The following CSMD1 variants were observed in gnomAD, a reference collection of about 807,000 sequenced individuals.
CSMD1 encodes the protein CUB and sushi domain-containing protein 1.
Under a neutral mutation model 417.5 loss-of-function variants are expected in CSMD1, and 213 were observed. The observed-to-expected ratio is 0.51, with a 90% confidence interval of 0.46 to 0.57. The LOEUF (loss-of-function observed/expected upper bound fraction) is 0.57, where lower values mean the gene tolerates loss of function less well. Among genes scored for constraint, CSMD1 ranks in the 20% least tolerant of loss-of-function variants. The pLI is 0.00. For missense variants in CSMD1, 6,923 were observed against 4,529.7 expected (o/e 1.53, Z -15.17); for synonymous variants, 2,862 against 1,736.8 (o/e 1.65, Z -16.11).
chr8:3,478,641 G>A (rs947307446), intron 11 of CSMD1, among the ~76,000 whole-genome samples: 2 of 152,052 alleles, frequency 1.3e-5, no homozygotes, highest in Admixed American at 1.3e-4. Context: ...ACAGGCAACA[G>A]AAGGACCCCA....
intron 7 of CSMD1, among the ~76,000 whole-genome samples, chr8:3,648,893 T>C (rs1361618530): frequency 6.6e-6 from 1 of 152,214 alleles, no homozygotes; most frequent in African/African-American, 2.4e-5. Flanking sequence ...TAGCTAGTGT[T>C]TTCTATTTAA....
At chr8:4,455,594 A>C (rs192699926) in intron 2 of CSMD1, among the ~76,000 whole-genome samples, 1 of 152,150 alleles carries the variant, frequency 6.6e-6, no homozygotes, top group African/African-American at 2.4e-5. Context: ...CAAATTGTGA[A>C]TTTTTAAATC....
chr8:4,246,445 C>T (rs375334714), intron 3 of CSMD1, among the ~76,000 whole-genome samples: 184 of 152,180 alleles, frequency 1.2e-3, no homozygotes, highest in African/African-American at 3.8e-3. Flanking sequence ...CCATTTTCTT[C>T]GTATGGTACC....
At chr8:3,196,451 C>A (rs113641608) in intron 33 of CSMD1, among the ~76,000 whole-genome samples, 6,097 of 152,206 alleles carry the variant, frequency 0.04, 395 homozygotes, top group African/African-American at 0.14. Flanking sequence ...TCTATGGACT[C>A]GCCCCAAATT....
rs71209121 is a variant in CSMD1, at chr8:4,753,403, C to CCACACA, written c.86-115851_86-115846dup. 6.7e-4 allele frequency among the ~76,000 whole-genome samples: 93 copies of CCACACA among 137,892 alleles called. 1 individual carries two copies. Among genetic ancestry groups the CCACACA allele is most frequent in the East Asian group, 4.9e-3 (24 of 4,902 alleles). The allele number at this position is 137,892 out of a possible 152,430, so 90.5% of individuals were successfully genotyped here. A position where few individuals can be genotyped will look rare whatever the true frequency, so the allele number is the denominator to read the frequency against. On this transcript the variant is annotated intron_variant, in intron 1 of 69. Coordinates refer to ENST00000635120, the MANE Select transcript of CSMD1 (RefSeq NM_033225.6). ...TCTCTTCCCTACTTTCCACCATAAACCACACACACACACACACACACACAC... is the reference window on the plus strand; with the variant it reads ...TCTCTTCCCTACTTTCCACCATAAACCACACACACACACACACACACACACACACAC...
Position 3,106,510 on chromosome 8 carries a change from G to C in CSMD1, c.6949+18C>G, listed in dbSNP as rs1247251392. ...TGTTGAATAAGTTTATGTAGTTTTA[G>C]TATCGAACAGTGCATACCTTCACAT... On this transcript the variant is annotated intron_variant, in intron 46 of 69. Coordinates refer to ENST00000635120, the MANE Select transcript of CSMD1 (RefSeq NM_033225.6). 6.8e-7 allele frequency: 1 copy of C among 1,479,856 alleles called. No homozygotes were observed. The highest frequency in any genetic ancestry group is 1.4e-5 in the African/African-American group (1 of 72,390). The allele number at this position is 1,479,856 out of a possible 1,614,324, so 91.7% of individuals were successfully genotyped here. A position where few individuals can be genotyped will look rare whatever the true frequency, so the allele number is the denominator to read the frequency against.
Position 4,415,324 on chromosome 8 carries a change from A to G in CSMD1, c.415+4629T>C, listed in dbSNP as rs145056281. Among the ~76,000 whole-genome samples the G allele has an allele frequency of 2.2e-3, 328 of 152,172 alleles. 1 individual carries two copies. Among genetic ancestry groups the G allele is most frequent in the African/African-American group, 7.6e-3 (314 of 41,524 alleles). On this transcript the variant is annotated intron_variant, in intron 3 of 69. Transcript: ENST00000635120. The stretch of plus-strand genomic sequence containing the variant: ...CAAAGACAGGCATCTGTTTTTCTCT[A>G]TGCTTCTGCAGGGATTCCTCCTTAC...
chr8:4,072,299 C>T (rs2130783477), intron 3 of CSMD1, among the ~76,000 whole-genome samples: 1 of 152,224 alleles, frequency 6.6e-6, no homozygotes, highest in East Asian at 1.9e-4. Context: ...AAAAAAATAC[C>T]TTCCTTTGCC....
At chr8:3,846,497 T>G (rs142501708) in intron 5 of CSMD1, among the ~76,000 whole-genome samples, 1 of 152,282 alleles carries the variant, frequency 6.6e-6, no homozygotes, top group Non-Finnish European at 1.5e-5. Flanking sequence ...GAAACTCAGA[T>G]AAGCATAGAA....
At chr8:3,409,305 C>T (rs1812534512) in intron 13 of CSMD1, 118 bp downstream of exon 13, 2 of 909,428 alleles carry the variant, frequency 2.2e-6, no homozygotes, top group South Asian at 3.2e-5. Context: ...AAATGTGGCA[C>T]CCCGAGCCAT....
intron 5 of CSMD1, among the ~76,000 whole-genome samples, chr8:3,940,899 A>T (rs1810835253): frequency 6.6e-6 from 1 of 150,916 alleles, no homozygotes; most frequent in African/African-American, 2.4e-5. Flanking sequence ...TCCCCCCGAG[A>T]TTATGTCTAC....
intron 12 of CSMD1, among the ~76,000 whole-genome samples, chr8:3,414,012 G>A (rs1336397933): frequency 2.0e-5 from 3 of 151,444 alleles, no homozygotes; most frequent in African/African-American, 4.9e-5. Context: ...GGTGGTGCAC[G>A]CCTGGAATCC....
chr8:3,332,572 C>T (rs1190923879), intron 23 of CSMD1, among the ~76,000 whole-genome samples: 1 of 152,222 alleles, frequency 6.6e-6, no homozygotes, highest in East Asian at 1.9e-4. Context: ...CTACTGTAAG[C>T]TGAAATATTT....
chr8:3,898,185 C>G (rs1468965005), intron 5 of CSMD1, among the ~76,000 whole-genome samples: 1 of 152,094 alleles, frequency 6.6e-6, no homozygotes, highest in Admixed American at 6.5e-5. Context: ...GCAAGCCATC[C>G]AGCAACAAGC....
chr8:3,124,956 C>T (rs182611264), intron 41 of CSMD1, among the ~76,000 whole-genome samples: 6 of 152,282 alleles, frequency 3.9e-5, no homozygotes, highest in African/African-American at 1.2e-4. Context: ...ATCAGTTACA[C>T]TATTTTTTGG....
At chr8:3,821,876 A>G (rs564940264) in intron 5 of CSMD1, among the ~76,000 whole-genome samples, 1 of 152,198 alleles carries the variant, frequency 6.6e-6, no homozygotes, top group African/African-American at 2.4e-5. Context: ...TCACACGGAG[A>G]AGGTAAAAAC....
chr8:4,565,694 C>G (rs1164994167), intron 2 of CSMD1, among the ~76,000 whole-genome samples: 1 of 148,062 alleles, frequency 6.8e-6, no homozygotes, highest in African/African-American at 2.5e-5. Flanking sequence ...GGGATTGTGC[C>G]ATTGCACTCC....
chr8:4,979,923 A>T (rs1223181087), intron 1 of CSMD1, among the ~76,000 whole-genome samples: 1 of 152,148 alleles, frequency 6.6e-6, no homozygotes, highest in East Asian at 1.9e-4. Context: ...CAGTACTCCC[A>T]GCTACTGGGG....
intron 3 of CSMD1, among the ~76,000 whole-genome samples, chr8:4,169,077 G>A (rs1019802406): frequency 3.3e-5 from 5 of 152,134 alleles, no homozygotes; most frequent in African/African-American, 4.8e-5. Context: ...CTCCCTACCT[G>A]TAAGCCTGCT....
Sources: allele counts gnomAD v4.1 joint callset (sites outside exome capture counted in the v4.1 genomes callset), GRCh38; gene constraint gnomAD v4.1.1; transcripts MANE v1.5; gene names NCBI Gene and HGNC (gene_info 2026-07-23, HGNC 2026-07-21).